Variants in CD34 observed in about 807,000 individuals in gnomAD.
The protein encoded by CD34 is CD34 molecule, also known as hematopoietic progenitor cell antigen CD34.
CD34 carries 34 observed loss-of-function variants against 40.1 expected under a neutral mutation model. The observed-to-expected ratio is 0.85, with a 90% CI of 0.65 to 1.13. The LOEUF (loss-of-function observed/expected upper bound fraction) is 1.13, where lower values mean the gene tolerates loss of function less well. CD34 is among the 50% of genes most tolerant of loss of function. The pLI is 0.00. For synonymous variants in CD34, 209 were observed against 190.0 expected (o/e 1.10, Z -0.82); for missense variants, 426 against 466.9 (o/e 0.91, Z 0.81).
chr1:207,889,093 C>T (rs944256686), intron 6 of CD34, 68 bp downstream of exon 6: 18 of 1,007,742 alleles, frequency 1.8e-5, no homozygotes, highest in Non-Finnish European at 2.7e-5. Flanking sequence ...TAATGACTTC[C>T]CCCCTTACTC....
chr1:207,888,564 A>G (rs1661959352), intron 7 of CD34, 118 bp downstream of exon 7: 1 of 975,962 alleles, frequency 1.0e-6, no homozygotes, highest in African/African-American at 1.6e-5. Context: ...GCATATCTTT[A>G]TGTAAGCTCA....
At chr1:207,910,913 G>A in intron 1 of CD34, 89 bp downstream of exon 1, 1 of 1,320,888 alleles carries the variant, frequency 7.6e-7, no homozygotes. Context: ...TTCCCTCCGT[G>A]AGACTCTGCT....
At chr1:207,890,281 T>A (rs12748548) in intron 4 of CD34, 11,857 of 984,970 alleles carry the variant, frequency 0.012, 89 homozygotes, top group Non-Finnish European at 0.013. Context: ...AGAAAAACTC[T>A]GATAATTCTT....
chr1:207,892,152 C>T (rs1355691684), intron 4 of CD34, among the ~76,000 whole-genome samples: 2 of 152,180 alleles, frequency 1.3e-5, no homozygotes, highest in East Asian at 1.9e-4. Context: ...GAAGCTGGTC[C>T]TACCTTCAAC....
intron 1 of CD34, among the ~76,000 whole-genome samples, chr1:207,904,748 T>TA (rs1662342935): frequency 6.6e-6 from 1 of 152,216 alleles, no homozygotes; most frequent in African/African-American, 2.4e-5. Context: ...AGGATAGGTC[T>TA]AACTGTCACC....
At position 207,883,772 on chromosome 1, in the gene CD34, T is replaced by G. The variant is rs1385640331; in HGVS notation, c.*3966A>C. ...TTATTATTTGAAGAAATAAATAGAC[T>G]GAGCAAGTCCTGTTACCTCTACTTT... is the stretch of plus-strand genomic sequence containing the variant. On this transcript the variant is annotated 3_prime_UTR_variant, in exon 8 of 8. Transcript: ENST00000310833. The G allele has an allele frequency of 6.6e-6, 1 of 152,214 alleles. No homozygotes were observed. The highest frequency in any genetic ancestry group is 1.5e-5 in the Non-Finnish European group (1 of 68,038). The allele number at this position is 152,214 out of a possible 1,614,324, so 9.4% of individuals were successfully genotyped here. A position where few individuals can be genotyped will look rare whatever the true frequency, so the allele number is the denominator to read the frequency against.
At chr1:207,902,428 G>A (rs1662289988) in intron 1 of CD34, among the ~76,000 whole-genome samples, 1 of 152,222 alleles carries the variant, frequency 6.6e-6, no homozygotes, top group South Asian at 2.1e-4. Flanking sequence ...ATAAATTGAT[G>A]CAGAAGCCAA....
chr1:207,910,373 A>G (rs1478862889), intron 1 of CD34, among the ~76,000 whole-genome samples: 1 of 152,202 alleles, frequency 6.6e-6, no homozygotes, highest in East Asian at 1.9e-4. Context: ...TGAAGTGGGA[A>G]TTCAAACTCA....
chr1:207,900,355 T>C (rs1249510366), intron 1 of CD34, among the ~76,000 whole-genome samples: 3 of 152,188 alleles, frequency 2.0e-5, no homozygotes, highest in Non-Finnish European at 4.4e-5. Flanking sequence ...AAAAAAATTA[T>C]AAAAACTGTA....
At chr1:207,895,363 G>T (rs1017872958) in intron 4 of CD34, among the ~76,000 whole-genome samples, 1 of 152,034 alleles carries the variant, frequency 6.6e-6, no homozygotes, top group Non-Finnish European at 1.5e-5. Context: ...GGAAGAAAGG[G>T]GATCAACACT....
intron 7 of CD34, chr1:207,888,201 C>G: frequency 6.7e-7 from 1 of 1,485,220 alleles, no homozygotes; most frequent in Non-Finnish European, 9.4e-7. Context: ...ACGGGCAGTT[C>G]CAAGAAGGGT....
chr1:207,900,954 G>C (rs907293650), intron 1 of CD34, among the ~76,000 whole-genome samples: 37 of 150,966 alleles, frequency 2.5e-4, no homozygotes, highest in African/African-American at 7.8e-4. Context: ...AGATCTTCAT[G>C]AGTGTCTTTG....
At position 207,911,097 on chromosome 1, in the gene CD34, C is replaced by T. The variant is rs569400899; in HGVS notation, c.-17G>A. The T allele has an allele frequency of 3.5e-5, 54 of 1,563,752 alleles. No homozygotes were observed. The highest frequency in any genetic ancestry group is 4.7e-5 in the Non-Finnish European group (54 of 1,158,278). ...GACCAGCATCCTTCCCGCGCGGCTC[C>T]TAGAGAGACGCACCGAGTGGAAGAC... On this transcript the variant is annotated 5_prime_UTR_variant, in exon 1 of 8. Coordinates refer to ENST00000310833, the MANE Select transcript of CD34 (RefSeq NM_001025109.2).
chr1:207,890,109 A>C (rs1662001040), intron 4 of CD34: 1 of 1,191,254 alleles, frequency 8.4e-7, no homozygotes. Flanking sequence ...CTTTCTACCC[A>C]AAGGAGTCTC....
At position 207,889,534 on chromosome 1, in the gene CD34, A is replaced by G. The variant is rs759347295; in HGVS notation, c.685T>C (p.Cys229Arg). ...QADADAGAQV[C>R]SLLLAQSEVR... ...TCAGACTGGGCAAGGAGCAGGGAGC[A>G]TACCTGGGCCCCAGCATCAGCATCA... The change falls in exon 5 of 8, where the codon TGC becomes CGC. Residue 229 changes from cysteine to arginine, a missense_variant. Transcript: ENST00000310833. The G allele has an allele frequency of 6.2e-7, 1 of 1,614,134 alleles. No homozygotes were observed.
intron 4 of CD34, among the ~76,000 whole-genome samples, chr1:207,896,284 GA>G (rs1456738076): frequency 6.6e-6 from 1 of 152,118 alleles, no homozygotes; most frequent in East Asian, 1.9e-4. Context: ...TTACTGTTAG[GA>G]AATTAGATTT....
intron 2 of CD34, among the ~76,000 whole-genome samples, chr1:207,899,470 C>T (rs1033463642): frequency 6.6e-6 from 1 of 152,160 alleles, no homozygotes; most frequent in African/African-American, 2.4e-5. Flanking sequence ...AAGCCAAAGA[C>T]CCCCAGTTTG....
At chr1:207,899,510 G>A (rs533094495) in intron 2 of CD34, among the ~76,000 whole-genome samples, 1 of 152,182 alleles carries the variant, frequency 6.6e-6, no homozygotes, top group Non-Finnish European at 1.5e-5. Flanking sequence ...TCCTTTAGAA[G>A]AGATCGGAGA....
Position 207,889,206 on chromosome 1 carries a change from G to T in CD34, c.762C>A (p.Ser254=). 1 of 1,613,312 alleles carries T rather than the reference G, an allele frequency of 6.2e-7. No homozygotes were observed. The change falls in exon 6 of 8, where the codon TCC becomes TCA. Residue 254 remains serine, a synonymous_variant. Coordinates refer to ENST00000310833, the MANE Select transcript of CD34 (RefSeq NM_001025109.2). ...LLVLANRTEI[S]SKLQLMKKHQ... ...GCTTTTTCATAAGTTGGAGTTTGCT[G>T]GAAATTTCTAGAATTAGAAACAAGG...
Sources: allele counts gnomAD v4.1 joint callset (sites outside exome capture counted in the v4.1 genomes callset), GRCh38; gene constraint gnomAD v4.1.1; transcripts MANE v1.5; gene names NCBI Gene and HGNC (gene_info 2026-07-23, HGNC 2026-07-21).